The following CHD2 variants were observed in gnomAD, a reference collection of about 807,000 sequenced individuals.
CHD2 encodes the protein ATP-dependent chromatin remodeler CHD2.
A neutral mutation model predicts 243.9 loss-of-function variants in CHD2; 28 were observed. That is an observed-to-expected ratio of 0.11 (90% CI 0.09 to 0.16). CHD2 has a LOEUF of 0.16. Ranked by LOEUF, CHD2 falls within the 10% of genes least tolerant of loss-of-function variation. The pLI is 1.00. For synonymous variants in CHD2, 775 were observed against 779.0 expected, an observed-to-expected ratio of 0.99 and a Z score of 0.09; for missense variants, 1,386 against 2,209.8, an observed-to-expected ratio of 0.63 and a Z score of 7.47.
chr15:92,983,730 TGAA>T (rs1184169947), intron 24 of CHD2, among the ~76,000 whole-genome samples: 1 of 152,240 alleles, frequency 6.6e-6, no homozygotes, highest in African/African-American at 2.4e-5. Context: ...TGATAAGAAA[TGAA>T]GAGAATATTC....
At chr15:92,924,628 C>G in intron 3 of CHD2, 76 bp downstream of exon 3, 1 of 1,257,730 alleles carries the variant, frequency 8.0e-7, no homozygotes, top group South Asian at 1.2e-5. Context: ...TTCATGAAAA[C>G]TCATTAGTAT....
intron 19 of CHD2, 102 bp downstream of exon 19, chr15:92,972,519 A>G: frequency 9.6e-7 from 1 of 1,040,126 alleles, no homozygotes; most frequent in Non-Finnish European, 1.3e-6. Flanking sequence ...TTGTTAAAGT[A>G]GGAAGTAAGA....
chr15:93,010,475 A>C (rs1051288838), intron 35 of CHD2, among the ~76,000 whole-genome samples: 1 of 150,536 alleles, frequency 6.6e-6, no homozygotes, highest in Non-Finnish European at 1.5e-5. Context: ...GCCCAGGCTG[A>C]AGTGCAGTGG....
rs563173753 is a variant in CHD2, at chr15:92,957,635, G to T, written c.2000+986G>T. Among the ~76,000 whole-genome samples, 153 of 151,864 alleles carry T rather than the reference G, an allele frequency of 1.0e-3. 1 individual carries two copies. Among genetic ancestry groups the T allele is most frequent in the Non-Finnish European group, 1.9e-3 (126 of 67,936 alleles). On this transcript the variant is annotated intron_variant, in intron 16 of 38. Coordinates refer to ENST00000394196, the MANE Select transcript of CHD2 (RefSeq NM_001271.4). ...TCAGTTAATAGTTGTTCAGTTGATA[G>T]ATATATGCTCTACAATCTTTTTTTT...
At chr15:92,937,738 C>A in intron 6 of CHD2, 113 bp downstream of exon 6, 2 of 748,224 alleles carry the variant, frequency 2.7e-6, no homozygotes, top group Non-Finnish European at 4.3e-6. Context: ...TGTTTTGATT[C>A]TGCGTTTTAG....
intron 6 of CHD2, among the ~76,000 whole-genome samples, chr15:92,938,996 C>G (rs141814176): frequency 0.015 from 2,278 of 152,022 alleles, 68 homozygotes; most frequent in Admixed American, 0.071. Context: ...GCTGCTTGTT[C>G]TGTAGGTTTC....
chr15:92,937,752 T>G, intron 6 of CHD2, 127 bp downstream of exon 6: 1 of 659,466 alleles, frequency 1.5e-6, no homozygotes, highest in South Asian at 2.4e-5. Flanking sequence ...GTTTTAGATA[T>G]CTGTGGTTCA....
In CHD2 at chr15:93,004,628, T is replaced by C; in HGVS notation, c.4290T>C (p.Gly1430=). ...CTCTTTTTTAAAAGCCTAAAAGTGG[T>C]GATGCCAAATCTTCGAGTAAATCAA... ...SKDKKEKPKS[G]DAKSSSKSKR... The change falls in exon 34 of 39, where the codon GGT becomes GGC. Residue 1430 remains glycine, a synonymous_variant. Coordinates refer to ENST00000394196, the MANE Select transcript of CHD2 (RefSeq NM_001271.4). 1 of 1,611,580 alleles carries C rather than the reference T, an allele frequency of 6.2e-7. No individual in the cohort carries two copies. The highest frequency in any genetic ancestry group is 1.1e-5 in the South Asian group (1 of 90,702).
intron 16 of CHD2, among the ~76,000 whole-genome samples, chr15:92,964,609 C>T (rs938168915): frequency 6.6e-6 from 1 of 152,208 alleles, no homozygotes; most frequent in African/African-American, 2.4e-5. Context: ...AATTCTGTTT[C>T]CTTAGTATAG....
chr15:92,973,784 T>C (rs1249295310), intron 19 of CHD2, among the ~76,000 whole-genome samples: 1 of 152,234 alleles, frequency 6.6e-6, no homozygotes, highest in East Asian at 1.9e-4. Context: ...TAGATAAGCT[T>C]GGTCAGTGAC....
intron 5 of CHD2, among the ~76,000 whole-genome samples, chr15:92,934,788 T>G (rs755143554): frequency 2.6e-5 from 4 of 152,224 alleles, no homozygotes; most frequent in Non-Finnish European, 5.9e-5. Context: ...TCCAACCAAT[T>G]TCAAATATAC....
chr15:92,930,394 C>T (rs961233), intron 5 of CHD2, among the ~76,000 whole-genome samples: 91,000 of 151,836 alleles, frequency 0.6, 27,692 homozygotes, highest in East Asian at 0.86. Flanking sequence ...TAATACATTG[C>T]GCTTACTCTG....
At position 92,981,255 on chromosome 15, in the gene CHD2, A is replaced by G. The variant is rs541950628; in HGVS notation, c.2974-110A>G. 67 of 687,974 alleles carry G rather than the reference A, an allele frequency of 9.7e-5. No homozygotes were observed. In the African/African-American group the frequency reaches 1.0e-3, roughly 11 times the overall value. 42.6% of individuals were successfully genotyped at this position (687,974 alleles called of 1,614,324 possible). Reference sequence around the variant, plus strand: ...AGTAAATGAAATATCAGAAAGGAGAATTGGTTTATTTGCACCAAACATTTT... The same window carrying G: ...AGTAAATGAAATATCAGAAAGGAGAGTTGGTTTATTTGCACCAAACATTTT... On this transcript the variant is annotated intron_variant, in intron 23 of 38. Coordinates refer to ENST00000394196, the MANE Select transcript of CHD2 (RefSeq NM_001271.4).
chr15:92,977,460 T>C (rs991032108), intron 20 of CHD2, among the ~76,000 whole-genome samples: 4 of 152,224 alleles, frequency 2.6e-5, no homozygotes, highest in Non-Finnish European at 5.9e-5. Flanking sequence ...GCATCAGCTT[T>C]TGACATATAT....
chr15:92,965,079 AT>A (rs1260840742), intron 16 of CHD2, among the ~76,000 whole-genome samples: 1 of 152,124 alleles, frequency 6.6e-6, no homozygotes, highest in East Asian at 1.9e-4. Context: ...AAAGATCAGA[AT>A]TTTTTCTAGT....
intron 2 of CHD2, among the ~76,000 whole-genome samples, chr15:92,903,533 CTG>C (rs1015066893): frequency 4.6e-5 from 7 of 152,122 alleles, no homozygotes; most frequent in Non-Finnish European, 1.0e-4. Context: ...ATGCTAAAGT[CTG>C]TTATACTTTA....
intron 13 of CHD2, chr15:92,950,454 A>G (rs1044753500): frequency 2.6e-5 from 4 of 152,196 alleles, no homozygotes; most frequent in Non-Finnish European, 2.9e-5. Context: ...TTTAATGCCA[A>G]CCTACACACT....
chr15:92,920,227 A>G (rs1268936611), intron 2 of CHD2, among the ~76,000 whole-genome samples: 1 of 152,198 alleles, frequency 6.6e-6, no homozygotes, highest in Non-Finnish European at 1.5e-5. Context: ...TCAAAAACAC[A>G]TAGCTGCACA....
intron 12 of CHD2, chr15:92,947,281 T>A (rs549188149): frequency 5.9e-5 from 9 of 152,416 alleles, no homozygotes; most frequent in Non-Finnish European, 1.0e-4. Flanking sequence ...GAGGAAGTTG[T>A]GGTTGTTGAA....
Sources: gnomAD v4.1 joint callset for allele counts (sites outside exome capture counted in the v4.1 genomes callset) on GRCh38, gnomAD v4.1.1 for gene constraint, MANE v1.5 for transcripts, NCBI Gene and HGNC (gene_info 2026-07-23, HGNC 2026-07-21) for gene names.